UPF1: variants seen among roughly 807,000 people sequenced by gnomAD.
The protein encoded by UPF1 is regulator of nonsense transcripts 1.
UPF1 carries 9 observed loss-of-function variants against 129.2 expected under a neutral mutation model. That is an observed-to-expected ratio of 0.07 (90% CI 0.04 to 0.12). UPF1 has a LOEUF of 0.12. Ranked by LOEUF, UPF1 falls within the 10% of genes least tolerant of loss-of-function variation. The pLI is 1.00. For synonymous variants in UPF1, 649 were observed against 644.9 expected (o/e 1.01, Z -0.10); for missense variants, 788 against 1,525.3 (o/e 0.52, Z 8.05).
chr19:18,837,197 C>A (rs2055492943), intron 1 of UPF1, among the ~76,000 whole-genome samples: 1 of 152,122 alleles, frequency 6.6e-6, no homozygotes, highest in South Asian at 2.1e-4. Flanking sequence ...TCAAGCGATC[C>A]TTCCACCTCA....
chr19:18,857,164 G>A, intron 14 of UPF1, 144 bp downstream of exon 14: 2 of 1,485,376 alleles, frequency 1.3e-6, no homozygotes, highest in Non-Finnish European at 9.1e-7. Flanking sequence ...ATAGAGGGTG[G>A]GTTCTGCCAG....
At position 18,867,542 on chromosome 19, in the gene UPF1, C is replaced by A. The variant is rs1041283384; in HGVS notation, c.*1025C>A. ...AAGGACAAGAGGGCCTGTCCCTGTC[C>A]CCGTCCCCAGGAGGTACCGACAGTC... On this transcript the variant is annotated 3_prime_UTR_variant, in exon 24 of 24. Transcript: ENST00000262803. The A allele has an allele frequency of 1.3e-5, 2 of 152,254 alleles. No individual in the cohort carries two copies. The highest frequency in any genetic ancestry group is 2.9e-5 in the Non-Finnish European group (2 of 68,102). The allele number at this position is 152,254 out of a possible 1,614,324, so 9.4% of individuals were successfully genotyped here.
intron 1 of UPF1, among the ~76,000 whole-genome samples, chr19:18,833,446 A>C (rs1047770917): frequency 2.6e-5 from 4 of 151,936 alleles, no homozygotes; most frequent in Non-Finnish European, 5.9e-5. Flanking sequence ...ACTTATTTTT[A>C]ATGATGTGGA....
intron 1 of UPF1, among the ~76,000 whole-genome samples, chr19:18,844,303 G>C (rs117843432): frequency 2.0e-5 from 3 of 149,950 alleles, no homozygotes; most frequent in African/African-American, 4.9e-5. Flanking sequence ...GGGGGCCGGG[G>C]GGGGGTTTGG....
intron 5 of UPF1, 79 bp from the exon 6 acceptor site, chr19:18,852,056 C>T (rs1324886706): frequency 1.4e-6 from 2 of 1,473,578 alleles, no homozygotes; most frequent in East Asian, 2.6e-5. Context: ...TGCTCCATCC[C>T]TCTGGTGCCT....
chr19:18,864,117 A>C (rs1440102878), intron 19 of UPF1, 53 bp from the exon 20 acceptor site: 3 of 1,546,162 alleles, frequency 1.9e-6, no homozygotes, highest in Non-Finnish European at 2.7e-6. Flanking sequence ...GCCCGTGGGA[A>C]GTTGTTCCTT....
rs1318716659 is a variant in UPF1, at chr19:18,865,262, C to T, written c.2858-27C>T. 1.3e-6 allele frequency: 2 copies of T among 1,585,332 alleles called. No homozygotes were observed. Among genetic ancestry groups the T allele is most frequent in the Non-Finnish European group, 1.7e-6 (2 of 1,159,520 alleles). On this transcript the variant is annotated intron_variant, in intron 20 of 23. Transcript: ENST00000262803. The surrounding 1 kb of genome is among the most constrained non-coding windows in gnomAD (Gnocchi z 6.1). ...TGGGGTTTGACCGAGGCAGGTGACACCTGCCGTGTTCCACTGTGATTTGCA... is the reference window on the plus strand; with the variant it reads ...TGGGGTTTGACCGAGGCAGGTGACATCTGCCGTGTTCCACTGTGATTTGCA...
At chr19:18,846,436 G>A (rs549185939) in intron 2 of UPF1, among the ~76,000 whole-genome samples, 1 of 152,132 alleles carries the variant, frequency 6.6e-6, no homozygotes, top group East Asian at 1.9e-4. Context: ...ATTTGTCATG[G>A]CATTGGGTGA....
rs756258779 is a variant in UPF1, at chr19:18,846,099, C to T, written c.351C>T (p.Asp117=). 2 of 1,614,102 alleles carry T rather than the reference C, an allele frequency of 1.2e-6. No homozygotes were observed. The highest frequency in any genetic ancestry group is 1.7e-6 in the Non-Finnish European group (2 of 1,180,028). ...AAGAAGACACCTATTACACGAAGGA[C>T]CTCCCCATACACGCCTGCAGGTGAG... ...EDEEDTYYTK[D]LPIHACSYCG... is the part of the protein sequence containing the mutation. The change falls in exon 2 of 24, where the codon GAC becomes GAT. Residue 117 remains aspartate, a synonymous_variant. Transcript: ENST00000262803.
chr19:18,855,381 C>G, intron 11 of UPF1, 139 bp downstream of exon 11: 1 of 875,834 alleles, frequency 1.1e-6, no homozygotes, highest in Admixed American at 2.7e-5. Flanking sequence ...GTGCCTACCG[C>G]TCTCTATGTG....
intron 15 of UPF1, among the ~76,000 whole-genome samples, chr19:18,857,752 A>G (rs1287828525): frequency 6.6e-6 from 1 of 152,228 alleles, no homozygotes; most frequent in Non-Finnish European, 1.5e-5. Context: ...TGTAAAACTC[A>G]GTCATTGCCT....
At chr19:18,864,039 C>T in intron 19 of UPF1, 131 bp from the exon 20 acceptor site, 1 of 808,866 alleles carries the variant, frequency 1.2e-6, no homozygotes, top group Non-Finnish European at 2.1e-6. Context: ...CCTCCTGTCT[C>T]CAGGGAGAGC....
chr19:18,836,556 C>G (rs954113307), intron 1 of UPF1, among the ~76,000 whole-genome samples: 4 of 152,114 alleles, frequency 2.6e-5, no homozygotes, highest in African/African-American at 7.2e-5. Context: ...AGGCAGGTGA[C>G]AAAGGGCACA....
chr19:18,865,303 A>C lies in UPF1; in HGVS notation c.2872A>C (p.Met958Leu). The C allele has an allele frequency of 6.2e-7, 1 of 1,605,080 alleles. No individual in the cohort carries two copies. The highest frequency in any genetic ancestry group is 8.5e-7 in the Non-Finnish European group (1 of 1,172,732). ...GTGATTTGCAGGCCGGCCTTCCAGC[A>C]TGTACTTCCAGACCCATGACCAGAT... ...DRSSQGRPSSMYFQTHDQIGM... is the reference protein window; with the variant it reads ...DRSSQGRPSSLYFQTHDQIGM... The change falls in exon 21 of 24, where the codon ATG (methionine) becomes CTG (leucine). Residue 958 changes from methionine (M) to leucine (L), a missense_variant. Coordinates refer to ENST00000262803, the MANE Select transcript of UPF1 (RefSeq NM_002911.4). The surrounding 1 kb of genome is among the most constrained non-coding windows in gnomAD (Gnocchi z 6.1).
rs370175489 is a variant in UPF1, at chr19:18,865,764, C to T, written c.3223C>T (p.Pro1075Ser). 2 of 1,612,932 alleles carry T rather than the reference C, an allele frequency of 1.2e-6. No homozygotes were observed. The highest frequency in any genetic ancestry group is 1.3e-5 in the African/African-American group (1 of 74,928). The change falls in exon 22 of 24, where the codon CCG (proline) becomes TCG (serine). Residue 1075 changes from proline to serine, a missense_variant. Around this residue, in one of 6 missense-constraint regions of UPF1, gnomAD observed 218 missense variants for 318.1 expected, o/e 0.69. Coordinates refer to ENST00000262803, the MANE Select transcript of UPF1 (RefSeq NM_002911.4). This position sits in a 1 kb window ranked among gnomAD's most constrained non-coding sequence, Gnocchi z 6.1. ...GATGAGCCAGCCCGGCCTCTCCCAG[C>T]CGGAGCTGTCCCAGGTGAGCCCGCC... ...SQMSQPGLSQPELSQDSYLGD... is the reference protein window; with the variant it reads ...SQMSQPGLSQSELSQDSYLGD...
intron 1 of UPF1, among the ~76,000 whole-genome samples, chr19:18,843,717 TTGTGTGTGTGTGTGTGTG>T (rs72080135): frequency 2.8e-5 from 4 of 143,994 alleles, no homozygotes; most frequent in East Asian, 2.1e-4. Flanking sequence ...TTGGCCAGGC[TTGTGTGTGTGTGTGTGTG>T]TGTGTGTGTG....
rs554947000 is a variant in UPF1 at position 18,833,976 on chromosome 19, G to A, written c.231+1536G>A. Among the ~76,000 whole-genome samples the A allele has an allele frequency of 1.6e-3, 249 of 152,276 alleles. 2 individuals carry two copies. Among genetic ancestry groups the A allele is most frequent in the Middle Eastern group, 6.8e-3 (2 of 294 alleles). On this transcript the variant is annotated intron_variant, in intron 1 of 23. Coordinates refer to ENST00000262803, the MANE Select transcript of UPF1 (RefSeq NM_002911.4). ...GTGAGGAGAACAGGTGTGCACGTAT[G>A]GGTGTTTTTTTCAGTTTTGTTTACA... is the stretch of plus-strand genomic sequence containing the variant.
chr19:18,855,637 G>A, intron 11 of UPF1: 1 of 507,702 alleles, frequency 2.0e-6, no homozygotes, highest in Non-Finnish European at 3.5e-6. Context: ...TGTTAAAAAT[G>A]TCAGGAGTTT....
At chr19:18,849,927 G>T in intron 3 of UPF1, 148 bp from the exon 4 acceptor site, 1 of 958,362 alleles carries the variant, frequency 1.0e-6, no homozygotes, top group Admixed American at 2.6e-5. Context: ...GGGGAGGGCT[G>T]GCCCCCAGAG....
Sources: gnomAD v4.1 joint callset for allele counts (sites outside exome capture counted in the v4.1 genomes callset) on GRCh38, gnomAD v4.1.1 for gene constraint, gnomAD v4.1.1 regional missense constraint, Gnocchi (gnomAD v3.1) non-coding constraint, MANE v1.5 for transcripts, NCBI Gene and HGNC (gene_info 2026-07-23, HGNC 2026-07-21) for gene names.